AGBL1: variants seen among roughly 807,000 people sequenced by gnomAD.
AGBL1 encodes the protein cytosolic carboxypeptidase 4.
Under a neutral mutation model 118.9 loss-of-function variants are expected in AGBL1, and 130 were observed. That is an observed-to-expected ratio of 1.09 (90% CI 0.95 to 1.26). The LOEUF (loss-of-function observed/expected upper bound fraction) is 1.26, where lower values mean the gene tolerates loss of function less well. Ranked by LOEUF, AGBL1 falls within the 50% of genes most tolerant of loss-of-function variation. The probability of loss-of-function intolerance (pLI) is 0.00; values close to 1 mark genes in which losing one functional copy is unlikely to be tolerated. For missense variants in AGBL1, 1,584 were observed against 1,298.1 expected (o/e 1.22, Z -3.38); for synonymous variants, 555 against 478.9 (o/e 1.16, Z -2.08).
chr15:86,414,429 T>C (rs4461044), intron 18 of AGBL1, among the ~76,000 whole-genome samples: 9 of 151,924 alleles, frequency 5.9e-5, no homozygotes, highest in Admixed American at 4.6e-4. Context: ...GATGTCTAAG[T>C]GTGCTTTAAA....
At chr15:86,735,074 A>G (rs2077573633) in intron 22 of AGBL1, among the ~76,000 whole-genome samples, 1 of 139,912 alleles carries the variant, frequency 7.1e-6, no homozygotes, top group Non-Finnish European at 1.6e-5. Context: ...GCATATAGTT[A>G]TAATAATAAT....
chr15:86,171,701 C>A (rs1037012832), intron 5 of AGBL1, among the ~76,000 whole-genome samples: 1 of 152,034 alleles, frequency 6.6e-6, no homozygotes, highest in South Asian at 2.1e-4. Context: ...TATGTAAGGG[C>A]AAATATATAA....
chr15:86,705,170 A>T (rs1186344799), intron 22 of AGBL1, among the ~76,000 whole-genome samples: 1 of 152,146 alleles, frequency 6.6e-6, no homozygotes. Flanking sequence ...GAGCACTAGG[A>T]CAAATACCTA....
chr15:86,778,646 T>TCG (rs2078291528), intron 22 of AGBL1, among the ~76,000 whole-genome samples: 1 of 152,206 alleles, frequency 6.6e-6, no homozygotes, highest in African/African-American at 2.4e-5. Context: ...GTTATCTCTC[T>TCG]TGCTCCCTGA....
intron 11 of AGBL1, among the ~76,000 whole-genome samples, chr15:86,265,776 C>T (rs2079062093): frequency 6.6e-6 from 1 of 152,156 alleles, no homozygotes; most frequent in Admixed American, 6.5e-5. Flanking sequence ...TTTTCTTCAC[C>T]CTTCTCTCAC....
At chr15:86,279,868 T>C (rs1470574349) in intron 16 of AGBL1, 85 bp downstream of exon 16, 18 of 1,513,544 alleles carry the variant, frequency 1.2e-5, no homozygotes, top group Non-Finnish European at 1.5e-5. Context: ...GACCCTGACA[T>C]CCTGATGGGG....
At chr15:86,238,181 T>C (rs1012375354) in intron 6 of AGBL1, among the ~76,000 whole-genome samples, 2 of 152,182 alleles carry the variant, frequency 1.3e-5, no homozygotes, top group Non-Finnish European at 2.9e-5. Context: ...TTGCCTTGTT[T>C]AGTTTTCTTT....
intron 17 of AGBL1, among the ~76,000 whole-genome samples, chr15:86,314,542 G>C (rs1007851057): frequency 2.0e-5 from 3 of 152,146 alleles, no homozygotes; most frequent in Admixed American, 2.0e-4. Flanking sequence ...CTTCCTCTAT[G>C]GTGGGTCTCT....
Position 86,280,806 on chromosome 15 carries a change from G to C in AGBL1, c.2220+1023G>C, listed in dbSNP as rs188306602. Among the ~76,000 whole-genome samples, 858 of 152,266 alleles carry C rather than the reference G, an allele frequency of 5.6e-3. 5 individuals are homozygous for C. The highest frequency in any genetic ancestry group is 0.02 in the African/African-American group (826 of 41,564). Reference sequence around the variant, plus strand: ...CATATCTTGAACCACTTGGCTCACTGCTTCATGAAAGTGCATCTGTCCTCT... The same window carrying C: ...CATATCTTGAACCACTTGGCTCACTCCTTCATGAAAGTGCATCTGTCCTCT... On this transcript the variant is annotated intron_variant, in intron 16 of 22. Transcript: ENST00000614907.
At chr15:86,667,238 G>GTATCTATCTATCTATCTATCTATC (rs1317883898) in intron 21 of AGBL1, among the ~76,000 whole-genome samples, 59 of 100,964 alleles carry the variant, frequency 5.8e-4, no homozygotes, top group African/African-American at 1.7e-3. Context: ...ATGTATGTAT[G>GTATCTATCTATCTATCTATCTATC]TATGTATGTA....
intron 21 of AGBL1, among the ~76,000 whole-genome samples, chr15:86,559,018 G>A (rs151260030): frequency 6.6e-6 from 1 of 152,218 alleles, no homozygotes; most frequent in Non-Finnish European, 1.5e-5. Context: ...CTTTCTTTGA[G>A]CTTCTTGTAT....
At chr15:86,667,951 C>T (rs2085675983) in intron 21 of AGBL1, among the ~76,000 whole-genome samples, 2 of 152,202 alleles carry the variant, frequency 1.3e-5, no homozygotes, top group South Asian at 4.1e-4. Flanking sequence ...ACAGCATCTG[C>T]TCAGCTTCTG....
chr15:86,088,856 A>C (rs1475373826), intron 1 of AGBL1, among the ~76,000 whole-genome samples: 2 of 152,028 alleles, frequency 1.3e-5, no homozygotes, highest in Admixed American at 1.3e-4. Context: ...CACCTCTCTC[A>C]TTTACTTGTC....
chr15:86,923,347 C>G (rs1284472337), intron 23 of AGBL1, among the ~76,000 whole-genome samples: 1 of 152,190 alleles, frequency 6.6e-6, no homozygotes, highest in Non-Finnish European at 1.5e-5. Flanking sequence ...CCGGGCTTGT[C>G]TTCAATACAC....
intron 1 of AGBL1, among the ~76,000 whole-genome samples, chr15:86,087,944 G>T (rs1393371336): frequency 6.6e-6 from 1 of 152,218 alleles, no homozygotes; most frequent in African/African-American, 2.4e-5. Flanking sequence ...AGGCTGGAAG[G>T]ACTGGCCAAA....
chr15:86,634,493 G>T (rs1480858606), intron 21 of AGBL1, among the ~76,000 whole-genome samples: 1 of 152,160 alleles, frequency 6.6e-6, no homozygotes, highest in Admixed American at 6.5e-5. Context: ...TATAGGAAAT[G>T]CTCAGAACAG....
intron 18 of AGBL1, among the ~76,000 whole-genome samples, chr15:86,453,540 C>T (rs1424126161): frequency 6.6e-6 from 1 of 152,186 alleles, no homozygotes; most frequent in South Asian, 2.1e-4. Flanking sequence ...ATTTTCTTCC[C>T]GAAAGCAGCC....
intron 18 of AGBL1, among the ~76,000 whole-genome samples, chr15:86,467,492 G>A (rs960753972): frequency 5.3e-5 from 8 of 152,164 alleles, no homozygotes; most frequent in East Asian, 1.9e-4. Flanking sequence ...GTTCTCTCTC[G>A]CTGGCATTCC....
chr15:87,014,725 A>C (rs965248585), intron 24 of AGBL1, among the ~76,000 whole-genome samples: 23 of 152,174 alleles, frequency 1.5e-4, no homozygotes, highest in African/African-American at 5.5e-4. Context: ...AAGTTCTTTT[A>C]TCACTTGTAC....
Sources: allele counts gnomAD v4.1 joint callset (sites outside exome capture counted in the v4.1 genomes callset), GRCh38; gene constraint gnomAD v4.1.1; transcripts MANE v1.5; gene names NCBI Gene and HGNC (gene_info 2026-07-23, HGNC 2026-07-21).